The following GPC5 variants were observed in gnomAD, a reference collection of about 807,000 sequenced individuals.
GPC5 encodes the protein glypican-5.
GPC5 carries 47 observed loss-of-function variants against 53.9 expected under a neutral mutation model. The observed-to-expected ratio is 0.87, with a 90% CI of 0.69 to 1.11. GPC5 has a LOEUF of 1.11. Ranked by LOEUF, GPC5 falls within the 50% of genes most tolerant of loss-of-function variation. The pLI, the probability that GPC5 is intolerant of heterozygous loss-of-function variation, is 0.00. For synonymous variants in GPC5, 286 were observed against 263.3 expected, an observed-to-expected ratio of 1.09 and a Z score of -0.84; for missense variants, 748 against 713.1, an observed-to-expected ratio of 1.05 and a Z score of -0.56.
intron 7 of GPC5, among the ~76,000 whole-genome samples, chr13:92,422,585 T>A (rs1876627827): frequency 6.6e-6 from 1 of 151,678 alleles, no homozygotes; most frequent in African/African-American, 2.4e-5. Flanking sequence ...AGAGGTGAGA[T>A]TAGCCTGTCA....
chr13:92,640,414 C>T (rs922017073), intron 7 of GPC5, among the ~76,000 whole-genome samples: 2 of 152,062 alleles, frequency 1.3e-5, no homozygotes, highest in Admixed American at 1.3e-4. Flanking sequence ...CGCCCGCCAC[C>T]ATGCCCAGCT....
chr13:92,052,540 T>C (rs1488073358), intron 6 of GPC5, among the ~76,000 whole-genome samples: 2 of 152,184 alleles, frequency 1.3e-5, no homozygotes, highest in Admixed American at 1.3e-4. Flanking sequence ...GATTGGTCCA[T>C]TTTACAGAGT....
At chr13:92,095,652 G>A (rs1163976864) in intron 6 of GPC5, among the ~76,000 whole-genome samples, 3 of 151,870 alleles carry the variant, frequency 2.0e-5, no homozygotes, top group African/African-American at 2.4e-5. Context: ...CTACTGCCTC[G>A]GCCTCCTGAG....
At chr13:92,131,865 A>G (rs1331139991) in intron 6 of GPC5, among the ~76,000 whole-genome samples, 1 of 152,052 alleles carries the variant, frequency 6.6e-6, no homozygotes, top group Non-Finnish European at 1.5e-5. Context: ...AAGAAGAAAA[A>G]TAAGTAGATT....
At chr13:92,214,889 G>A (rs145926044) in intron 7 of GPC5, among the ~76,000 whole-genome samples, 1 of 152,298 alleles carries the variant, frequency 6.6e-6, no homozygotes, top group East Asian at 1.9e-4. Context: ...GCTGTTGCTG[G>A]TTTTGAAGAC....
intron 1 of GPC5, among the ~76,000 whole-genome samples, chr13:91,421,004 C>T (rs1878589486): frequency 6.6e-6 from 1 of 152,152 alleles, no homozygotes; most frequent in Non-Finnish European, 1.5e-5. Flanking sequence ...TTTATGTTGG[C>T]ATCTTTTGGT....
At chr13:92,571,932 G>A (rs1006323117) in intron 7 of GPC5, among the ~76,000 whole-genome samples, 2 of 152,088 alleles carry the variant, frequency 1.3e-5, no homozygotes, top group African/African-American at 4.8e-5. Context: ...CTACTCAGGA[G>A]GCTGAGGTGG....
In GPC5 at chr13:92,865,612, T is replaced by C. The variant is rs957508127; in HGVS notation, c.1562-670T>C. 3.3e-5 allele frequency among the ~76,000 whole-genome samples: 5 copies of C among 152,116 alleles called. No homozygotes were observed. The East Asian group carries it at 9.7e-4, about 29-fold the overall frequency. On this transcript the variant is annotated intron_variant, in intron 7 of 7. Transcript: ENST00000377067. ...ATGGTAACTATCATTCATAATGTAC[T>C]GTATATTTCCAAATTGCCAAGAAGG...
At chr13:91,724,910 A>C (rs1248249131) in intron 3 of GPC5, 1 of 152,218 alleles carries the variant, frequency 6.6e-6, no homozygotes, top group Admixed American at 6.5e-5. Context: ...CCGCTTTTTG[A>C]GTCTAATGAA....
chr13:92,380,980 C>A (rs1038436788), intron 7 of GPC5, among the ~76,000 whole-genome samples: 5 of 152,110 alleles, frequency 3.3e-5, no homozygotes, highest in Non-Finnish European at 7.4e-5. Context: ...ACTTTATCCC[C>A]TTTCCATGAC....
intron 7 of GPC5, among the ~76,000 whole-genome samples, chr13:92,464,602 C>A (rs1878619629): frequency 6.6e-6 from 1 of 151,928 alleles, no homozygotes; most frequent in African/African-American, 2.4e-5. Context: ...GTTAAGAATA[C>A]CTTGACTCAA....
chr13:91,896,587 C>T (rs1330469), intron 5 of GPC5, among the ~76,000 whole-genome samples: 60,221 of 151,792 alleles, frequency 0.4, 13,247 homozygotes, highest in South Asian at 0.65. Flanking sequence ...GAAAGGAGAA[C>T]GGGGGAAGTA....
At chr13:92,764,776 G>A (rs1875327324) in intron 7 of GPC5, among the ~76,000 whole-genome samples, 1 of 151,982 alleles carries the variant, frequency 6.6e-6, no homozygotes, top group East Asian at 1.9e-4. Context: ...ACTGTCTTTG[G>A]GGAGGGGATA....
intron 2 of GPC5, among the ~76,000 whole-genome samples, chr13:91,616,084 A>T (rs939100946): frequency 6.6e-6 from 1 of 152,176 alleles, no homozygotes; most frequent in African/African-American, 2.4e-5. Context: ...AAAGGCTTGT[A>T]TTAATCTGCT....
At chr13:91,842,007 T>C (rs1268995184) in intron 5 of GPC5, among the ~76,000 whole-genome samples, 1 of 152,212 alleles carries the variant, frequency 6.6e-6, no homozygotes, top group Non-Finnish European at 1.5e-5. Context: ...ATTCTACCTT[T>C]TCCCCATATC....
chr13:92,298,801 C>T (rs1423200129), intron 7 of GPC5, among the ~76,000 whole-genome samples: 1 of 152,166 alleles, frequency 6.6e-6, no homozygotes, highest in African/African-American at 2.4e-5. Flanking sequence ...CCACACGCTG[C>T]TCTGTCTGTC....
At chr13:92,204,714 A>T (rs2042320349) in intron 7 of GPC5, among the ~76,000 whole-genome samples, 1 of 152,184 alleles carries the variant, frequency 6.6e-6, no homozygotes. Flanking sequence ...GAAGAAACAC[A>T]TAGGGCAGAG....
At chr13:92,281,057 C>A (rs562303695) in intron 7 of GPC5, among the ~76,000 whole-genome samples, 2 of 152,214 alleles carry the variant, frequency 1.3e-5, no homozygotes, top group Non-Finnish European at 2.9e-5. Flanking sequence ...ACTAATACTG[C>A]GCTTTTCCAA....
chr13:91,791,044 T>C (rs1429472982), intron 5 of GPC5, among the ~76,000 whole-genome samples: 7 of 152,238 alleles, frequency 4.6e-5, no homozygotes, highest in African/African-American at 1.7e-4. Context: ...GGATTATTGT[T>C]TTCTAGCCTC....
Sources: allele counts gnomAD v4.1 joint callset (sites outside exome capture counted in the v4.1 genomes callset), GRCh38; gene constraint gnomAD v4.1.1; transcripts MANE v1.5; gene names NCBI Gene and HGNC (gene_info 2026-07-23, HGNC 2026-07-21).